The following NRG1 variants were observed in gnomAD, a reference collection of about 807,000 sequenced individuals.
NRG1 encodes the protein pro-neuregulin-1, membrane-bound isoform.
Under a neutral mutation model 63.8 loss-of-function variants are expected in NRG1, and 18 were observed. That is an observed-to-expected ratio of 0.28 (90% confidence interval 0.19 to 0.42). The LOEUF (loss-of-function observed/expected upper bound fraction) is 0.42. Ranked by LOEUF, NRG1 falls within the 10% of genes least tolerant of loss-of-function variation. NRG1 has a pLI of 1.00. For missense variants in NRG1, 762 were observed against 814.7 expected (o/e 0.94, Z 0.79); for synonymous variants, 302 against 301.3 (o/e 1.00, Z -0.02).
intron 1 of NRG1, among the ~76,000 whole-genome samples, chr8:32,361,124 G>C (rs903076549): frequency 6.6e-6 from 1 of 152,036 alleles, no homozygotes; most frequent in South Asian, 2.1e-4. Flanking sequence ...TATAGTAAGG[G>C]GTTCTTCAAA....
intron 1 of NRG1, among the ~76,000 whole-genome samples, chr8:32,386,958 T>C (rs1811097655): frequency 6.7e-6 from 1 of 149,746 alleles, no homozygotes; most frequent in Non-Finnish European, 1.5e-5. Flanking sequence ...AGAACAAAAC[T>C]CACATATGTA....
intron 1 of NRG1, among the ~76,000 whole-genome samples, chr8:31,696,612 C>A: frequency 6.6e-6 from 1 of 152,198 alleles, no homozygotes; most frequent in East Asian, 1.9e-4. Context: ...ATTATATAAT[C>A]CTAACAGCAA....
At chr8:32,207,859 T>G (rs1472808593) in intron 1 of NRG1, among the ~76,000 whole-genome samples, 1 of 152,214 alleles carries the variant, frequency 6.6e-6, no homozygotes, top group East Asian at 1.9e-4. Context: ...TTACTCATAT[T>G]GCTCCTAAAG....
At chr8:32,263,499 G>T (rs547158727) in intron 1 of NRG1, among the ~76,000 whole-genome samples, 30 of 152,044 alleles carry the variant, frequency 2.0e-4, no homozygotes, top group African/African-American at 7.0e-4. Flanking sequence ...TGTCAGACCC[G>T]CACTTTTTGT....
intron 1 of NRG1, among the ~76,000 whole-genome samples, chr8:32,314,849 G>A (rs1326899053): frequency 1.3e-5 from 2 of 152,060 alleles, no homozygotes; most frequent in African/African-American, 4.8e-5. Flanking sequence ...ATGCCCCAGC[G>A]ATGCCAGTTG....
At chr8:31,661,852 G>A (rs1439489675) in intron 1 of NRG1, among the ~76,000 whole-genome samples, 1 of 152,170 alleles carries the variant, frequency 6.6e-6, no homozygotes, top group South Asian at 2.1e-4. Flanking sequence ...CTTATCATGA[G>A]CCAAACACTG....
At chr8:32,698,313 G>GA (rs1813912588) in intron 5 of NRG1, among the ~76,000 whole-genome samples, 1 of 152,130 alleles carries the variant, frequency 6.6e-6, no homozygotes, top group Admixed American at 6.5e-5. Flanking sequence ...GGAACAGCTG[G>GA]AAAATGGAAG....
intron 1 of NRG1, among the ~76,000 whole-genome samples, chr8:32,098,143 C>A (rs62498890): frequency 0.35 from 52,731 of 151,910 alleles, 9,797 homozygotes; most frequent in East Asian, 0.5. Flanking sequence ...CCAAGAGGGC[C>A]TGATGTCATA....
chr8:32,451,151 G>A (rs923829968), intron 1 of NRG1, among the ~76,000 whole-genome samples: 2 of 152,116 alleles, frequency 1.3e-5, no homozygotes, highest in African/African-American at 4.8e-5. Context: ...GAACATTGTG[G>A]GAAATAATAT....
intron 1 of NRG1, among the ~76,000 whole-genome samples, chr8:31,782,599 C>T (rs143143466): frequency 2.8e-4 from 43 of 152,174 alleles, no homozygotes; most frequent in African/African-American, 9.2e-4. Context: ...TGTATTCATT[C>T]GTACACATTA....
intron 1 of NRG1, among the ~76,000 whole-genome samples, chr8:32,536,681 G>T (rs188624499): frequency 1.3e-5 from 2 of 151,952 alleles, no homozygotes; most frequent in Non-Finnish European, 2.9e-5. Flanking sequence ...CCAGCACTTT[G>T]GGAGGCCGAG....
rs573371351 is a variant in NRG1, at chr8:32,431,305, T to C, written c.38-164523T>C. 2.0e-5 allele frequency among the ~76,000 whole-genome samples: 3 copies of C among 152,336 alleles called. No homozygotes were observed. The South Asian group carries it at 6.2e-4, about 32-fold the overall frequency. ...GATTATGATACTAGGCAGTGCTTAC[T>C]CTAGCAAATAGGTATCAGAGCCCTG... On this transcript the variant is annotated intron_variant, in intron 1 of 10. Coordinates refer to the NRG1 transcript ENST00000519301.
At chr8:32,113,418 T>C (rs559145912) in intron 1 of NRG1, among the ~76,000 whole-genome samples, 1 of 152,280 alleles carries the variant, frequency 6.6e-6, no homozygotes, top group East Asian at 1.9e-4. Context: ...TCCCACTCAC[T>C]GCTAGTCAGT....
At chr8:32,401,091 T>G (rs1303359341) in intron 1 of NRG1, among the ~76,000 whole-genome samples, 1 of 151,696 alleles carries the variant, frequency 6.6e-6, no homozygotes, top group Non-Finnish European at 1.5e-5. Context: ...AACTAAACAA[T>G]GAGAACCTAT....
chr8:32,143,038 G>T (rs1836453881), intron 1 of NRG1, among the ~76,000 whole-genome samples: 1 of 152,166 alleles, frequency 6.6e-6, no homozygotes, highest in Non-Finnish European at 1.5e-5. Context: ...CCAGACGGAG[G>T]TTTCTTCCCA....
chr8:31,828,393 A>G (rs1365038481), intron 1 of NRG1, among the ~76,000 whole-genome samples: 1 of 152,200 alleles, frequency 6.6e-6, no homozygotes, highest in African/African-American at 2.4e-5. Flanking sequence ...AACTGTAGTC[A>G]AATTAGTTAC....
chr8:31,906,961 CT>C (rs1740349440), intron 1 of NRG1, among the ~76,000 whole-genome samples: 1 of 152,078 alleles, frequency 6.6e-6, no homozygotes. Context: ...GAATGCTGCT[CT>C]TTAGGAGAGA....
chr8:32,299,032 A>AC (rs966455341), intron 1 of NRG1, among the ~76,000 whole-genome samples: 4 of 149,866 alleles, frequency 2.7e-5, no homozygotes, highest in African/African-American at 9.8e-5. Context: ...TCTCAAAAAA[A>AC]AAAAAAAAAA....
chr8:32,152,990 G>T (rs2068226), intron 1 of NRG1, among the ~76,000 whole-genome samples: 77,386 of 152,002 alleles, frequency 0.51, 20,781 homozygotes, highest in Admixed American at 0.61. Flanking sequence ...TTTTGGAGAA[G>T]GCATACTGTA....
Sources: allele counts gnomAD v4.1 joint callset (sites outside exome capture counted in the v4.1 genomes callset), GRCh38; gene constraint gnomAD v4.1.1; transcripts MANE v1.5; gene names NCBI Gene and HGNC (gene_info 2026-07-23, HGNC 2026-07-21).